Variants in SGCZ observed in about 807,000 individuals in gnomAD.
SGCZ encodes the protein sarcoglycan zeta, also known as zeta-sarcoglycan.
SGCZ carries 40 observed loss-of-function variants against 41.3 expected under a neutral mutation model. The ratio of observed to expected loss-of-function variants is 0.97; its 90% CI spans 0.75 to 1.26. SGCZ has a LOEUF of 1.26. Among genes scored for constraint, SGCZ ranks in the 50% most tolerant of loss-of-function variants. SGCZ has a pLI of 0.00. For synonymous variants in SGCZ, 206 were observed against 137.5 expected, an observed-to-expected ratio of 1.50 and a Z score of -3.49; for missense variants, 552 against 369.8, an observed-to-expected ratio of 1.49 and a Z score of -4.04.
chr8:14,460,615 A>C (rs1903597), intron 2 of SGCZ, among the ~76,000 whole-genome samples: 79,554 of 151,852 alleles, frequency 0.52, 22,030 homozygotes, highest in African/African-American at 0.72. Context: ...AGACCAATTG[A>C]GTAATCACCA....
At chr8:14,368,449 T>G (rs1585414024) in intron 2 of SGCZ, among the ~76,000 whole-genome samples, 1 of 152,112 alleles carries the variant, frequency 6.6e-6, no homozygotes, top group Non-Finnish European at 1.5e-5. Flanking sequence ...AATAAGTACA[T>G]GAATTAATTA....
chr8:15,166,512 T>A (rs1173003084), intron 1 of SGCZ, among the ~76,000 whole-genome samples: 1 of 152,132 alleles, frequency 6.6e-6, no homozygotes, highest in Non-Finnish European at 1.5e-5. Context: ...CCTCCCAAAG[T>A]GCTGGGATTA....
intron 1 of SGCZ, among the ~76,000 whole-genome samples, chr8:15,163,024 G>A (rs1016182993): frequency 8.5e-5 from 13 of 152,082 alleles, no homozygotes; most frequent in African/African-American, 2.4e-4. Flanking sequence ...AAATCATTTC[G>A]TGCTCAGTTG....
chr8:15,087,390 T>C (rs1000482624), intron 1 of SGCZ, among the ~76,000 whole-genome samples: 1 of 152,112 alleles, frequency 6.6e-6, no homozygotes, highest in Non-Finnish European at 1.5e-5. Flanking sequence ...TATGTGATGT[T>C]AACGTCAATA....
rs542453822 is a variant in SGCZ at position 14,511,929 on chromosome 8, G to A, written c.234+42803C>T. ...TTAGTAACAATTTTTTAATTTGAAAGGTTTATAGATTTTATATAATAAAGG... is the reference window on the plus strand; with the variant it reads ...TTAGTAACAATTTTTTAATTTGAAAAGTTTATAGATTTTATATAATAAAGG... On this transcript the variant is annotated intron_variant, in intron 2 of 7. Coordinates refer to ENST00000382080, the MANE Select transcript of SGCZ (RefSeq NM_139167.4). Among the ~76,000 whole-genome samples the A allele has an allele frequency of 3.3e-5, 5 of 152,120 alleles. 2 individuals carry two copies. In the South Asian group the frequency reaches 1.0e-3, roughly 32 times the overall value.
intron 4 of SGCZ, among the ~76,000 whole-genome samples, chr8:14,165,715 GTTC>G (rs1335740721): frequency 1.3e-5 from 2 of 152,136 alleles, no homozygotes; most frequent in Non-Finnish European, 2.9e-5. Context: ...GTGGGGCATA[GTTC>G]TTTTCATTTG....
intron 1 of SGCZ, among the ~76,000 whole-genome samples, chr8:14,928,386 T>G (rs2130801983): frequency 6.6e-6 from 1 of 150,618 alleles, no homozygotes; most frequent in East Asian, 2.0e-4. Flanking sequence ...TCTTACATTC[T>G]ACAGAGTTCT....
intron 1 of SGCZ, among the ~76,000 whole-genome samples, chr8:14,857,858 T>C (rs1468286591): frequency 2.0e-5 from 3 of 152,140 alleles, no homozygotes; most frequent in Non-Finnish European, 2.9e-5. Flanking sequence ...AGAGCAAGAC[T>C]CTGTCTCAAA....
chr8:14,561,155 T>A (rs1411642682), intron 1 of SGCZ, among the ~76,000 whole-genome samples: 2 of 152,168 alleles, frequency 1.3e-5, no homozygotes, highest in African/African-American at 4.8e-5. Context: ...TCTAAGTGAT[T>A]ATGCAAACTA....
intron 1 of SGCZ, among the ~76,000 whole-genome samples, chr8:14,566,867 G>C (rs1172007492): frequency 6.6e-6 from 1 of 152,182 alleles, no homozygotes; most frequent in African/African-American, 2.4e-5. Flanking sequence ...GTGCTTGCGG[G>C]CCAGTGCGAG....
chr8:14,385,603 A>T (rs1441042092), intron 2 of SGCZ, among the ~76,000 whole-genome samples: 1 of 152,136 alleles, frequency 6.6e-6, no homozygotes, highest in African/African-American at 2.4e-5. Flanking sequence ...TCTGACTTTG[A>T]GTGTAGAGAT....
At chr8:15,132,793 G>A (rs1443700551) in intron 1 of SGCZ, among the ~76,000 whole-genome samples, 1 of 152,068 alleles carries the variant, frequency 6.6e-6, no homozygotes, top group Non-Finnish European at 1.5e-5. Context: ...TTTCTCATTT[G>A]AGAGCCTGTT....
chr8:14,113,260 C>T (rs1011163862), intron 5 of SGCZ, among the ~76,000 whole-genome samples: 6 of 152,048 alleles, frequency 3.9e-5, no homozygotes, highest in Admixed American at 6.6e-5. Context: ...CTTCCACTTA[C>T]GTATAAAATA....
intron 6 of SGCZ, among the ~76,000 whole-genome samples, chr8:14,105,106 A>C (rs1412759933): frequency 2.0e-5 from 3 of 152,078 alleles, no homozygotes; most frequent in Non-Finnish European, 4.4e-5. Context: ...GTCTTTGTTA[A>C]CTATTTAACA....
chr8:14,617,699 T>A (rs1806150322), intron 1 of SGCZ, among the ~76,000 whole-genome samples: 2 of 152,140 alleles, frequency 1.3e-5, no homozygotes, highest in African/African-American at 4.8e-5. Context: ...GAAAGAGTAG[T>A]ATTTAGCTAG....
chr8:15,029,315 T>C (rs1021561087), intron 1 of SGCZ, among the ~76,000 whole-genome samples: 1 of 152,072 alleles, frequency 6.6e-6, no homozygotes, highest in Admixed American at 6.6e-5. Context: ...AAAAACCATA[T>C]GCCTGTAGGT....
chr8:14,266,381 C>T (rs548202668), intron 3 of SGCZ, among the ~76,000 whole-genome samples: 1 of 152,118 alleles, frequency 6.6e-6, no homozygotes, highest in Admixed American at 6.5e-5. Context: ...CACACTTCCA[C>T]AGAAGCACCA....
chr8:14,355,409 C>T (rs1013497200), intron 2 of SGCZ, among the ~76,000 whole-genome samples: 2 of 152,050 alleles, frequency 1.3e-5, no homozygotes, highest in Non-Finnish European at 2.9e-5. Flanking sequence ...TTGCACAAAT[C>T]TAACAGAGAC....
chr8:14,539,806 C>T (rs894638227), intron 2 of SGCZ, among the ~76,000 whole-genome samples: 1 of 151,920 alleles, frequency 6.6e-6, no homozygotes, highest in Non-Finnish European at 1.5e-5. Context: ...ATTTGGTTTT[C>T]CATTCCTGTT....
Sources: allele counts gnomAD v4.1 joint callset (sites outside exome capture counted in the v4.1 genomes callset), GRCh38; gene constraint gnomAD v4.1.1; transcripts MANE v1.5; gene names NCBI Gene and HGNC (gene_info 2026-07-23, HGNC 2026-07-21).